FAM167A: variants seen among roughly 807,000 people sequenced by gnomAD.
FAM167A encodes protein FAM167A.
FAM167A carries 23 observed loss-of-function variants against 14.9 expected under a neutral mutation model. The ratio of observed to expected loss-of-function variants is 1.55; its 90% CI spans 1.11 to 2.19. The LOEUF is 2.19. Among genes scored for constraint, FAM167A ranks in the 30% most tolerant of loss-of-function variants. FAM167A has a pLI of 0.00. For missense variants in FAM167A, 401 were observed against 281.5 expected (o/e 1.42, Z -3.04); for synonymous variants, 174 against 117.7 (o/e 1.48, Z -3.10).
chr8:11,459,049 A>C (rs2117140713), intron 1 of FAM167A, among the ~76,000 whole-genome samples: 1 of 152,374 alleles, frequency 6.6e-6, no homozygotes, highest in South Asian at 2.1e-4. Flanking sequence ...ATAATAAAAT[A>C]AACGCATGAA....
chr8:11,444,944 G>A (rs1806695797), intron 1 of FAM167A, 136 bp from the exon 2 acceptor site: 3 of 751,620 alleles, frequency 4.0e-6, no homozygotes, highest in South Asian at 6.0e-5. Context: ...AGTCCGGGAC[G>A]GAAGTGAGAT....
intron 2 of FAM167A, among the ~76,000 whole-genome samples, chr8:11,435,854 C>T (rs181962860): frequency 2.2e-4 from 33 of 152,342 alleles, no homozygotes; most frequent in Non-Finnish European, 3.8e-4. Flanking sequence ...TAAATAAGCC[C>T]ATATCCACAC....
intron 2 of FAM167A, among the ~76,000 whole-genome samples, chr8:11,437,571 C>T (rs1323419238): frequency 6.6e-6 from 1 of 152,220 alleles, no homozygotes; most frequent in East Asian, 1.9e-4. Flanking sequence ...TTCCAGTGCA[C>T]TCTTGACCAG....
intron 1 of FAM167A, among the ~76,000 whole-genome samples, chr8:11,459,148 G>C (rs1228587467): frequency 1.3e-5 from 2 of 152,194 alleles, no homozygotes; most frequent in Non-Finnish European, 2.9e-5. Context: ...GAAAAGAGGA[G>C]ACCTTTTTTA....
At chr8:11,463,912 A>G (rs1251084799) in intron 1 of FAM167A, among the ~76,000 whole-genome samples, 2 of 152,138 alleles carry the variant, frequency 1.3e-5, no homozygotes, top group Non-Finnish European at 2.9e-5. Flanking sequence ...CCCACTATAG[A>G]TGACAACTTG....
In FAM167A at chr8:11,424,040, T is replaced by G; in HGVS notation, c.*333A>C. The G allele has an allele frequency of 3.8e-6, 1 of 265,150 alleles. No homozygotes were observed. 16.4% of individuals were successfully genotyped at this position (265,150 alleles called of 1,614,324 possible). A position where few individuals can be genotyped will look rare whatever the true frequency, so the allele number is the denominator to read the frequency against. On this transcript the variant is annotated 3_prime_UTR_variant, in exon 3 of 3. Transcript: ENST00000284486. ...GGGGCCTCCCTTTGGGAATCCCAGT[T>G]CATAGCACCAGTGATTCCAGGAAAC...
intron 2 of FAM167A, among the ~76,000 whole-genome samples, chr8:11,431,701 A>G (rs1010921596): frequency 6.6e-6 from 1 of 151,966 alleles, no homozygotes; most frequent in African/African-American, 2.4e-5. Flanking sequence ...TGCCTGCAGC[A>G]AGCGTGGCCG....
chr8:11,473,613 A>G (rs960855572), intron 1 of FAM167A, among the ~76,000 whole-genome samples: 4 of 152,128 alleles, frequency 2.6e-5, no homozygotes, highest in Admixed American at 1.3e-4. Context: ...CTGGCCAGGG[A>G]GGTGGGGAGG....
intron 2 of FAM167A, among the ~76,000 whole-genome samples, chr8:11,430,373 A>G (rs2117010063): frequency 6.6e-6 from 1 of 152,302 alleles, no homozygotes; most frequent in South Asian, 2.1e-4. Context: ...TGTGCTTGTG[A>G]TCTGTACTAC....
At chr8:11,457,553 G>C (rs1043908148) in intron 1 of FAM167A, among the ~76,000 whole-genome samples, 1 of 152,088 alleles carries the variant, frequency 6.6e-6, no homozygotes, top group Non-Finnish European at 1.5e-5. Flanking sequence ...CCAGCTCCTA[G>C]CAGGCAGGGG....
intron 1 of FAM167A, among the ~76,000 whole-genome samples, chr8:11,449,455 T>C (rs552142257): frequency 6.6e-6 from 1 of 152,164 alleles, no homozygotes; most frequent in African/African-American, 2.4e-5. Context: ...CAGGGACTCC[T>C]GGGGCCCAGG....
At chr8:11,435,291 G>C (rs1001738141) in intron 2 of FAM167A, among the ~76,000 whole-genome samples, 1 of 152,114 alleles carries the variant, frequency 6.6e-6, no homozygotes, top group South Asian at 2.1e-4. Context: ...CCCCATGGGC[G>C]CCTGCTACCA....
chr8:11,438,668 C>T (rs1806220755), intron 2 of FAM167A: 1 of 385,050 alleles, frequency 2.6e-6, no homozygotes, highest in South Asian at 2.0e-5. Context: ...ATTTCCTTTC[C>T]TGGTTCTTTT....
At chr8:11,433,631 C>T (rs574901996) in intron 2 of FAM167A, among the ~76,000 whole-genome samples, 11 of 152,298 alleles carry the variant, frequency 7.2e-5, no homozygotes, top group African/African-American at 2.4e-4. Context: ...GCGTGGTAAT[C>T]AGCTCAGAAC....
chr8:11,456,392 T>TATGG, intron 1 of FAM167A, among the ~76,000 whole-genome samples: 1 of 120,606 alleles, frequency 8.3e-6, no homozygotes, highest in Admixed American at 8.2e-5. Flanking sequence ...GCCTGGTGTG[T>TATGG]GTGTGAGTGT....
chr8:11,466,900 C>A (rs1191715142), upstream of FAM167A: 1 of 152,254 alleles, frequency 6.6e-6, no homozygotes, highest in Non-Finnish European at 1.5e-5. Flanking sequence ...CGCCCCGGGT[C>A]CTAGCGCCCT....
intron 2 of FAM167A, among the ~76,000 whole-genome samples, chr8:11,427,652 T>TC (rs1021754899): frequency 3.7e-4 from 56 of 152,346 alleles, no homozygotes; most frequent in African/African-American, 1.3e-3. Context: ...ATCTCAATGT[T>TC]CTTTTTTTCC....
At chr8:11,464,995 G>T (rs891668044) in intron 1 of FAM167A, among the ~76,000 whole-genome samples, 2 of 152,198 alleles carry the variant, frequency 1.3e-5, no homozygotes, top group African/African-American at 4.8e-5. Context: ...AGGACCAGAA[G>T]AACAGGAGCA....
At chr8:11,462,701 G>C (rs988319938) in intron 1 of FAM167A, among the ~76,000 whole-genome samples, 7 of 152,114 alleles carry the variant, frequency 4.6e-5, no homozygotes, top group Non-Finnish European at 8.8e-5. Context: ...GTTCTGTGTG[G>C]TTTCATTATG....
Sources: allele counts gnomAD v4.1 joint callset (sites outside exome capture counted in the v4.1 genomes callset), GRCh38; gene constraint gnomAD v4.1.1; transcripts MANE v1.5; gene names NCBI Gene and HGNC (gene_info 2026-07-23, HGNC 2026-07-21).